Variants in EAF2 observed in about 807,000 individuals in gnomAD.
The protein encoded by EAF2 is ELL-associated factor 2.
A neutral mutation model predicts 29.4 loss-of-function variants in EAF2; 29 were observed. The ratio of observed to expected loss-of-function variants is 0.99; its 90% CI spans 0.73 to 1.35. EAF2 has a LOEUF of 1.35. Ranked by LOEUF, EAF2 falls within the 40% of genes most tolerant of loss-of-function variation. The pLI, the probability that EAF2 is intolerant of heterozygous loss-of-function variation, is 0.00. For synonymous variants in EAF2, 103 were observed against 102.5 expected (o/e 1.00, Z -0.03); for missense variants, 292 against 312.0 (o/e 0.94, Z 0.48).
intron 1 of EAF2, among the ~76,000 whole-genome samples, chr3:121,840,772 C>T (rs544792169): frequency 7.4e-5 from 10 of 135,878 alleles, no homozygotes; most frequent in African/African-American, 2.8e-4. Flanking sequence ...CGCCACTGCA[C>T]TCCAGCCTGG....
At position 121,854,670 on chromosome 3, in the gene EAF2, A is replaced by T. The variant is rs1220766634; in HGVS notation, c.202-17A>T. ...CTATGATAAATTTTAAGTAATAATAATTAACTTTTTAAACAGGGTTCAACT... is the reference window on the plus strand; with the variant it reads ...CTATGATAAATTTTAAGTAATAATATTTAACTTTTTAAACAGGGTTCAACT... On this transcript the variant is annotated splice_polypyrimidine_tract_variant and intron_variant, in intron 2 of 5. Transcript: ENST00000273668. 6.6e-7 allele frequency: 1 copy of T among 1,510,548 alleles called. No homozygotes were observed. 93.6% of individuals were successfully genotyped at this position (1,510,548 alleles called of 1,614,324 possible).
At chr3:121,841,146 T>C (rs1218376675) in intron 1 of EAF2, among the ~76,000 whole-genome samples, 1 of 152,040 alleles carries the variant, frequency 6.6e-6, no homozygotes, top group Non-Finnish European at 1.5e-5. Context: ...ATGAACGACA[T>C]AGAGGAATAT....
chr3:121,879,467 T>G (rs4676760), intron 5 of EAF2, among the ~76,000 whole-genome samples: 136,904 of 152,084 alleles, frequency 0.9, 61,665 homozygotes, highest in Admixed American at 0.93. Flanking sequence ...TGGCCCAGAT[T>G]AATCTCTTAG....
intron 5 of EAF2, among the ~76,000 whole-genome samples, chr3:121,885,342 A>G (rs1469366595): frequency 6.6e-6 from 1 of 152,202 alleles, no homozygotes; most frequent in African/African-American, 2.4e-5. Flanking sequence ...ATTATTTCTT[A>G]CATGAGAGAC....
intron 5 of EAF2, among the ~76,000 whole-genome samples, chr3:121,880,457 T>TGC (rs1212729526): frequency 1.9e-4 from 1 of 5,160 alleles, no homozygotes; most frequent in African/African-American, 3.5e-4. Context: ...TGTTTTGGGG[T>TGC]GTGTGTGTGT....
chr3:121,867,893 T>C (rs950831521), intron 4 of EAF2, among the ~76,000 whole-genome samples: 1 of 152,184 alleles, frequency 6.6e-6, no homozygotes, highest in African/African-American at 2.4e-5. Context: ...GGTATGTATA[T>C]TGAAAAACCC....
intron 2 of EAF2, among the ~76,000 whole-genome samples, chr3:121,846,416 T>C (rs1331325219): frequency 6.6e-6 from 1 of 152,250 alleles, no homozygotes; most frequent in African/African-American, 2.4e-5. Context: ...GAAAAATTGT[T>C]CAGGTTCTAG....
At chr3:121,840,289 C>G (rs1343921789) in intron 1 of EAF2, among the ~76,000 whole-genome samples, 2 of 147,828 alleles carry the variant, frequency 1.4e-5, no homozygotes, top group African/African-American at 5.0e-5. Flanking sequence ...TCAGGAGTTC[C>G]AGACGAGCCT....
chr3:121,845,986 C>T (rs2107504007), intron 2 of EAF2, among the ~76,000 whole-genome samples: 1 of 152,084 alleles, frequency 6.6e-6, no homozygotes, highest in Non-Finnish European at 1.5e-5. Flanking sequence ...TGTCTATTCT[C>T]AGAAAAAAAT....
At chr3:121,861,706 T>A (rs1331967462) in intron 4 of EAF2, among the ~76,000 whole-genome samples, 1 of 152,230 alleles carries the variant, frequency 6.6e-6, no homozygotes, top group Non-Finnish European at 1.5e-5. Context: ...AATTTGATCC[T>A]GTCATTATGA....
chr3:121,862,812 A>G (rs557400560), intron 4 of EAF2, among the ~76,000 whole-genome samples: 5 of 152,158 alleles, frequency 3.3e-5, no homozygotes, highest in African/African-American at 1.2e-4. Flanking sequence ...TTTATCCCAA[A>G]AGGTAGATAA....
chr3:121,853,847 C>T (rs986883037), intron 2 of EAF2, among the ~76,000 whole-genome samples: 23 of 151,954 alleles, frequency 1.5e-4, no homozygotes, highest in African/African-American at 4.8e-4. Flanking sequence ...TTATGGATGG[C>T]GCAGTGTACT....
chr3:121,846,370 G>A (rs550988486), intron 2 of EAF2, among the ~76,000 whole-genome samples: 2 of 152,280 alleles, frequency 1.3e-5, no homozygotes, highest in South Asian at 2.1e-4. Context: ...AGTATGAGAT[G>A]TTGTAGATAA....
At chr3:121,838,195 A>AATATAATAAGTAATTTC (rs1708340097) in intron 1 of EAF2, among the ~76,000 whole-genome samples, 1 of 152,218 alleles carries the variant, frequency 6.6e-6, no homozygotes, top group Admixed American at 6.5e-5. Flanking sequence ...TCTACTCTTC[A>AATATAATAAGTAATTTC]TGCAATATAA....
chr3:121,881,011 G>C (rs1709183698), intron 5 of EAF2, among the ~76,000 whole-genome samples: 1 of 151,960 alleles, frequency 6.6e-6, no homozygotes, highest in African/African-American at 2.4e-5. Flanking sequence ...TCATTATGTT[G>C]GTGTGATATT....
chr3:121,862,354 A>G (rs1243250624), intron 4 of EAF2, among the ~76,000 whole-genome samples: 1 of 152,106 alleles, frequency 6.6e-6, no homozygotes, highest in Non-Finnish European at 1.5e-5. Flanking sequence ...GTATTCCTGG[A>G]GGCTTTGTTC....
intron 4 of EAF2, among the ~76,000 whole-genome samples, chr3:121,857,831 C>A (rs1452446751): frequency 6.6e-6 from 1 of 152,106 alleles, no homozygotes; most frequent in Non-Finnish European, 1.5e-5. Flanking sequence ...TCTCCCCCAA[C>A]CCCATGACAG....
chr3:121,849,392 A>G (rs1343745843), intron 2 of EAF2, among the ~76,000 whole-genome samples: 1 of 152,202 alleles, frequency 6.6e-6, no homozygotes, highest in African/African-American at 2.4e-5. Flanking sequence ...TCTCTTCCTT[A>G]CAAACAGTTC....
At chr3:121,846,183 T>C (rs1173140663) in intron 2 of EAF2, among the ~76,000 whole-genome samples, 1 of 152,204 alleles carries the variant, frequency 6.6e-6, no homozygotes, top group African/African-American at 2.4e-5. Context: ...TCCTCTCATC[T>C]GCTGTCTTTT....
Sources: allele counts gnomAD v4.1 joint callset (sites outside exome capture counted in the v4.1 genomes callset), GRCh38; gene constraint gnomAD v4.1.1; transcripts MANE v1.5; gene names NCBI Gene and HGNC (gene_info 2026-07-23, HGNC 2026-07-21).